EDN2: variants seen among roughly 807,000 people sequenced by gnomAD.
EDN2 encodes the protein endothelin-2.
EDN2 carries 10 observed loss-of-function variants against 19.9 expected under a neutral mutation model. That is an observed-to-expected ratio of 0.50 (90% confidence interval 0.31 to 0.85). The LOEUF (loss-of-function observed/expected upper bound fraction) is 0.85, where lower values mean the gene tolerates loss of function less well. EDN2 is among the 40% of genes least tolerant of loss of function. EDN2 has a pLI of 0.05. For synonymous variants in EDN2, 84 were observed against 94.9 expected, an observed-to-expected ratio of 0.89 and a Z score of 0.67; for missense variants, 222 against 239.3, an observed-to-expected ratio of 0.93 and a Z score of 0.48.
chr1:41,479,059 G>A lies in EDN2; in HGVS notation c.*350C>T, dbSNP rs1644223925. ...GAGGCATGCGTGTTCGTGGCTGCACGGTTGCTCCTGGTTTGTAGCCCAGCA... is the reference window on the plus strand; with the variant it reads ...GAGGCATGCGTGTTCGTGGCTGCACAGTTGCTCCTGGTTTGTAGCCCAGCA... On this transcript the variant is annotated 3_prime_UTR_variant, in exon 5 of 5. Coordinates refer to ENST00000372587, the MANE Select transcript of EDN2 (RefSeq NM_001956.5). 5.4e-6 allele frequency: 2 copies of A among 371,360 alleles called. No homozygotes were observed. Among genetic ancestry groups the A allele is most frequent in the Admixed American group, 7.3e-5 (2 of 27,372 alleles). The allele number at this position is 371,360 out of a possible 1,614,324, so 23.0% of individuals were successfully genotyped here.
intron 2 of EDN2, 200 bp from the exon 3 acceptor site, chr1:41,482,788 C>G: frequency 1.7e-6 from 1 of 587,784 alleles, no homozygotes. Context: ...AGTCACACCA[C>G]TGAAGTCACA....
chr1:41,479,153 G>T lies in EDN2; in HGVS notation c.*256C>A. 1 of 594,120 alleles carries T rather than the reference G, an allele frequency of 1.7e-6. No individual in the cohort carries two copies. The highest frequency in any genetic ancestry group is 2.2e-5 in the Admixed American group (1 of 44,624). 36.8% of individuals were successfully genotyped at this position (594,120 alleles called of 1,614,324 possible). A position where few individuals can be genotyped will look rare whatever the true frequency, so the allele number is the denominator to read the frequency against. On this transcript the variant is annotated 3_prime_UTR_variant, in exon 5 of 5. Transcript: ENST00000372587. ...CCCATGCAGTTCTTCCAGCAGAGCT[G>T]TGGGCCAGCAGCCAGCACTGGAGGC...
At position 41,482,476 on chromosome 1, in the gene EDN2, G is replaced by A. The variant is rs1265994456; in HGVS notation, c.334C>T (p.Arg112Ter). 1 of 1,601,242 alleles carries A rather than the reference G, an allele frequency of 6.2e-7. No homozygotes were observed. The highest frequency in any genetic ancestry group is 1.1e-5 in the South Asian group (1 of 90,486). Residue 112 changes from arginine to a stop codon, truncating the protein, a stop_gained, in exon 3 of 5, where the codon CGA (arginine) becomes TGA (stop). Transcript: ENST00000372587. LOFTEE classifies it high-confidence loss of function. ...TGGGTGCCCACCTACCAGGGCCTTC[G>A]AAGGCAGAAGGTGGCACAGGCGGGG... ...RDPACATFCL[R>*]RPWTEAGAVP...
Position 41,479,198 on chromosome 1 carries a change from C to A in EDN2, c.*211G>T. On this transcript the variant is annotated 3_prime_UTR_variant, in exon 5 of 5. Coordinates refer to ENST00000372587, the MANE Select transcript of EDN2 (RefSeq NM_001956.5). ...GGAGGCTGCTCCGCAGTCTGGAGGC[C>A]GAGGGCTTCCCTGGGCAGTGCGAGG... 1 of 665,296 alleles carries A rather than the reference C, an allele frequency of 1.5e-6. No individual in the cohort carries two copies. 41.2% of individuals were successfully genotyped at this position (665,296 alleles called of 1,614,324 possible).
chr1:41,479,641 A>G, intron 4 of EDN2, 139 bp from the exon 5 acceptor site: 1 of 694,836 alleles, frequency 1.4e-6, no homozygotes, highest in Non-Finnish European at 2.4e-6. Flanking sequence ...GACAGTGACC[A>G]CAGCCTGAAA....
In EDN2 at chr1:41,481,207, A is replaced by G. The variant is rs780409350; in HGVS notation, c.345-14T>C. ...CCGGCTTCAGTCCTACGTGAATAGC[A>G]TTAGGGCCCAAGTGATGGACTGCCC... On this transcript the variant is annotated splice_polypyrimidine_tract_variant and intron_variant, in intron 3 of 4. Coordinates refer to ENST00000372587, the MANE Select transcript of EDN2 (RefSeq NM_001956.5). The G allele has an allele frequency of 6.2e-7, 1 of 1,610,844 alleles. No homozygotes were observed. Among genetic ancestry groups the G allele is most frequent in the Non-Finnish European group, 8.5e-7 (1 of 1,177,600 alleles).
Position 41,479,444 on chromosome 1 carries a change from G to T in EDN2, c.502C>A (p.Pro168Thr), listed in dbSNP as rs966145424. The T allele has an allele frequency of 1.2e-6, 2 of 1,614,106 alleles. No individual in the cohort carries two copies. The highest frequency in any genetic ancestry group is 1.3e-5 in the African/African-American group (1 of 74,940). The change falls in exon 5 of 5, where the codon CCT (proline) becomes ACT (threonine). Residue 168 changes from proline to threonine, a missense_variant. Physicochemically the swap from Pro to Thr is conservative, Grantham distance 38. Coordinates refer to ENST00000372587, the MANE Select transcript of EDN2 (RefSeq NM_001956.5). The part of the protein sequence containing the change: ...AKRQQEAMRE[P>T]RSTHSRWRKR The stretch of plus-strand genomic sequence containing the variant: ...CTCCACCTGGAATGTGTGGACCGAG[G>T]CTCCCGCATGGCCTCCTGTTGTCGC...
chr1:41,483,429 T>C (rs565590830), intron 2 of EDN2, among the ~76,000 whole-genome samples: 3 of 152,292 alleles, frequency 2.0e-5, no homozygotes, highest in Admixed American at 6.5e-5. Context: ...ACACAGAAAC[T>C]TCAACTGAAG....
At position 41,484,556 on chromosome 1, in the gene EDN2, G is replaced by C. The variant is rs767782625; in HGVS notation, c.46C>G (p.Leu16Val). 9 of 1,557,578 alleles carry C rather than the reference G, an allele frequency of 5.8e-6. No homozygotes were observed. Among genetic ancestry groups the C allele is most frequent in the South Asian group, 2.4e-5 (2 of 84,322 alleles). Residue 16 changes from leucine (L) to valine (V), a missense_variant, in exon 1 of 5, where the codon CTC (leucine) becomes GTC (valine). Physicochemically the swap from Leu to Val is conservative, Grantham distance 32. Coordinates refer to ENST00000372587, the MANE Select transcript of EDN2 (RefSeq NM_001956.5). ...AGCTCACCTTCATGCAGGGCCACGA[G>C]CAGGGCTAGCGCAACGGAGCACCAG... The part of the protein sequence containing the change: ...TTWCSVALAL[L>V]VALHEGKGQA...
At position 41,484,331 on chromosome 1, in the gene EDN2, G is replaced by A. The variant is rs1226136710; in HGVS notation, c.65-128C>T. On this transcript the variant is annotated intron_variant, in intron 1 of 4. Transcript: ENST00000372587. Reference sequence around the variant, plus strand: ...GAGTTGGCACTCTTGCTGCTCAAGAGCTCCAGGCCAGCCCAGGGAAGTCCC... The same window carrying A: ...GAGTTGGCACTCTTGCTGCTCAAGAACTCCAGGCCAGCCCAGGGAAGTCCC... 6.7e-6 allele frequency: 9 copies of A among 1,352,716 alleles called. No homozygotes were observed. The Admixed American group carries it at 6.8e-5, about 10-fold the overall frequency. 83.8% of individuals were successfully genotyped at this position (1,352,716 alleles called of 1,614,324 possible).
chr1:41,480,271 C>T (rs146085140), intron 4 of EDN2, among the ~76,000 whole-genome samples: 14 of 152,274 alleles, frequency 9.2e-5, no homozygotes, highest in South Asian at 2.1e-4. Flanking sequence ...GTTTTTCTGC[C>T]GCCCCCAAAA....
intron 2 of EDN2, among the ~76,000 whole-genome samples, chr1:41,483,572 T>C (rs1473725338): frequency 6.6e-6 from 1 of 152,006 alleles, no homozygotes; most frequent in African/African-American, 2.4e-5. Flanking sequence ...ATGGGGAGGA[T>C]GGGGGGGCTC....
Position 41,479,437 on chromosome 1 carries a change from G to T in EDN2, c.509C>A (p.Ser170Tyr). ...RQQEAMREPR[S>Y]THSRWRKR ...TCTCTTCCTCCACCTGGAATGTGTG[G>T]ACCGAGGCTCCCGCATGGCCTCCTG... Residue 170 changes from serine to tyrosine, a missense_variant, in exon 5 of 5, where the codon TCC becomes TAC. Physicochemically the swap from Ser to Tyr is moderately radical, Grantham distance 144 (BLOSUM62 -2). Transcript: ENST00000372587. 1 of 1,614,186 alleles carries T rather than the reference G, an allele frequency of 6.2e-7. No homozygotes were observed. The highest frequency in any genetic ancestry group is 8.5e-7 in the Non-Finnish European group (1 of 1,180,004).
intron 2 of EDN2, 33 bp downstream of exon 2, chr1:41,484,014 C>T (rs991183755): frequency 1.1e-4 from 167 of 1,552,062 alleles, no homozygotes; most frequent in Non-Finnish European, 1.4e-4. Flanking sequence ...TGCCCCAGAG[C>T]TCCCCCTGCC....
At chr1:41,480,581 C>G in intron 4 of EDN2, 1 of 382,846 alleles carries the variant, frequency 2.6e-6, no homozygotes, top group South Asian at 1.9e-5. Flanking sequence ...ATCAAGCAGT[C>G]TGCCCCAGAG....
Position 41,479,450 on chromosome 1 carries a change from G to C in EDN2, c.496C>G (p.Arg166Gly). The change falls in exon 5 of 5, where the codon CGG becomes GGG. Residue 166 changes from arginine (R) to glycine (G), a missense_variant. Coordinates refer to ENST00000372587, the MANE Select transcript of EDN2 (RefSeq NM_001956.5). ...CTGGAATGTGTGGACCGAGGCTCCC[G>C]CATGGCCTCCTGTTGTCGCTTGGCA... ...LFAKRQQEAM[R>G]EPRSTHSRWR... 2 of 1,614,148 alleles carry C rather than the reference G, an allele frequency of 1.2e-6. No homozygotes were observed. Among genetic ancestry groups the C allele is most frequent in the Non-Finnish European group, 8.5e-7 (1 of 1,180,014 alleles).
chr1:41,484,305 G>A, intron 1 of EDN2, 102 bp from the exon 2 acceptor site: 1 of 1,447,032 alleles, frequency 6.9e-7, no homozygotes, highest in Non-Finnish European at 9.3e-7. Context: ...CATAATCGAG[G>A]GAGTTGGCAC....
At chr1:41,481,689 G>A (rs554995358) in intron 3 of EDN2, among the ~76,000 whole-genome samples, 3 of 152,128 alleles carry the variant, frequency 2.0e-5, no homozygotes, top group Admixed American at 1.3e-4. Context: ...ACAGGCGCCC[G>A]CCACCATGCC....
At chr1:41,484,279 C>A in intron 1 of EDN2, 76 bp from the exon 2 acceptor site, 1 of 1,530,828 alleles carries the variant, frequency 6.5e-7, no homozygotes, top group East Asian at 2.3e-5. Flanking sequence ...GGGGACCCAC[C>A]ATGCCCCTCC....
Sources: gnomAD v4.1 joint callset for allele counts (sites outside exome capture counted in the v4.1 genomes callset) on GRCh38, gnomAD v4.1.1 for gene constraint, MANE v1.5 for transcripts, NCBI Gene and HGNC (gene_info 2026-07-23, HGNC 2026-07-21) for gene names.